The following VAV2 variants were observed in gnomAD, a reference collection of about 807,000 sequenced individuals.
VAV2 encodes the protein vav guanine nucleotide exchange factor 2.
A neutral mutation model predicts 132.5 loss-of-function variants in VAV2; 67 were observed. That is an observed-to-expected ratio of 0.51 (90% CI 0.42 to 0.62). VAV2 has a LOEUF of 0.62. VAV2 is among the 20% of genes least tolerant of loss of function. The probability of loss-of-function intolerance (pLI) is 0.00; values close to 1 mark genes in which losing one functional copy is unlikely to be tolerated. For synonymous variants in VAV2, 492 were observed against 443.5 expected (o/e 1.11, Z -1.37); for missense variants, 938 against 1,153.6 (o/e 0.81, Z 2.71).
intron 1 of VAV2, among the ~76,000 whole-genome samples, chr9:133,959,460 C>G (rs1841896751): frequency 6.6e-6 from 1 of 152,168 alleles, no homozygotes; most frequent in Non-Finnish European, 1.5e-5. Context: ...TTTCACACCC[C>G]ATTCTGCTGC....
intron 2 of VAV2, among the ~76,000 whole-genome samples, chr9:133,923,925 G>A (rs10993867): frequency 0.019 from 2,854 of 152,160 alleles, 79 homozygotes; most frequent in South Asian, 0.057. Context: ...CTCACTCATA[G>A]GTGGGAATTG....
At position 133,918,370 on chromosome 9, in the gene VAV2, G is replaced by A. The variant is rs1051675714; in HGVS notation, c.321+20733C>T. Among the ~76,000 whole-genome samples the A allele has an allele frequency of 5.3e-5, 8 of 151,982 alleles. No homozygotes were observed. The highest frequency in any genetic ancestry group is 1.2e-4 in the African/African-American group (5 of 41,362). On this transcript the variant is annotated intron_variant, in intron 2 of 29. Transcript: ENST00000371850. This position sits in a 1 kb window ranked among gnomAD's most constrained non-coding sequence, Gnocchi z 4.7. ...TTCCCGCACTTTCATCTGCTGGTCCGGACCCAGGCCCAGCTGCTAGCCCGG... is the reference window on the plus strand; with the variant it reads ...TTCCCGCACTTTCATCTGCTGGTCCAGACCCAGGCCCAGCTGCTAGCCCGG...
Position 133,987,295 on chromosome 9 carries a change from G to T in VAV2, c.204+4780C>A, listed in dbSNP as rs193281825. 3.5e-5 allele frequency among the ~76,000 whole-genome samples: 5 copies of T among 142,884 alleles called. No individual in the cohort carries two copies. The East Asian group carries it at 9.7e-4, about 28-fold the overall frequency. The allele number at this position is 142,884 out of a possible 152,430, so 93.7% of individuals were successfully genotyped here. ...GAGTTTCATTACACGAGGCCAGAGA[G>T]AAACCTGGAACAGTGGAGGAGTGAG... On this transcript the variant is annotated intron_variant, in intron 1 of 29. Coordinates refer to ENST00000371850, the MANE Select transcript of VAV2 (RefSeq NM_001134398.2).
intron 4 of VAV2, among the ~76,000 whole-genome samples, chr9:133,819,161 G>A (rs1289244285): frequency 1.3e-5 from 2 of 150,458 alleles, no homozygotes; most frequent in Admixed American, 6.6e-5. Flanking sequence ...GGGGCACCGA[G>A]GTTAAAAGTG....
chr9:133,900,763 CTTGATTTATTTATTTA>C (rs1231170167), intron 2 of VAV2, among the ~76,000 whole-genome samples: 16 of 136,716 alleles, frequency 1.2e-4, no homozygotes, highest in Non-Finnish European at 2.3e-4. Flanking sequence ...TACCTCCTGT[CTTGATTTATTTATTTA>C]TTTATTTATT....
intron 1 of VAV2, among the ~76,000 whole-genome samples, chr9:133,962,739 G>A (rs563806203): frequency 9.8e-5 from 15 of 152,294 alleles, no homozygotes; most frequent in Non-Finnish European, 1.5e-4. Context: ...GAGCTCTACC[G>A]AGTGCATTAA....
At chr9:133,896,951 C>A (rs573124250) in intron 2 of VAV2, among the ~76,000 whole-genome samples, 3 of 151,766 alleles carry the variant, frequency 2.0e-5, no homozygotes, top group African/African-American at 7.3e-5. Context: ...AAAATTAGCC[C>A]GGCGTGGTGG....
At chr9:133,963,642 T>G (rs779995262) in intron 1 of VAV2, among the ~76,000 whole-genome samples, 3 of 152,170 alleles carry the variant, frequency 2.0e-5, no homozygotes, top group Non-Finnish European at 4.4e-5. Flanking sequence ...AGAAAGCCAT[T>G]GAAACAAGAA....
At chr9:133,855,147 T>C (rs2131849823) in intron 3 of VAV2, among the ~76,000 whole-genome samples, 1 of 152,282 alleles carries the variant, frequency 6.6e-6, no homozygotes, top group East Asian at 1.9e-4. Context: ...AGCAATGTCT[T>C]CAAACACAGC....
chr9:133,847,064 G>C (rs72762852), intron 3 of VAV2, among the ~76,000 whole-genome samples: 1 of 152,324 alleles, frequency 6.6e-6, no homozygotes, highest in Non-Finnish European at 1.5e-5. Context: ...CAGCTGTCCA[G>C]GCCCCCAACT....
At chr9:133,957,840 G>A (rs1427956335) in intron 1 of VAV2, among the ~76,000 whole-genome samples, 1 of 128,632 alleles carries the variant, frequency 7.8e-6, no homozygotes, top group Non-Finnish European at 1.8e-5. Flanking sequence ...AAGTAGACAT[G>A]GAAGACTCCA....
In VAV2 at chr9:133,792,258, C is replaced by A. The variant is rs1178253738; in HGVS notation, c.1102-389G>T. Reference sequence around the variant, plus strand: ...GTGTGTGACTGTGTGTATAAGCGGGCTGTACTGGGTGGGGTGTGTGGTATG... The same window carrying A: ...GTGTGTGACTGTGTGTATAAGCGGGATGTACTGGGTGGGGTGTGTGGTATG... On this transcript the variant is annotated intron_variant, in intron 12 of 29. Coordinates refer to ENST00000371850, the MANE Select transcript of VAV2 (RefSeq NM_001134398.2). Among the ~76,000 whole-genome samples the A allele has an allele frequency of 2.5e-5, 3 of 120,302 alleles. No homozygotes were observed. In the South Asian group the frequency reaches 8.5e-4, roughly 34 times the overall value. The allele number at this position is 120,302 out of a possible 152,430, so 78.9% of individuals were successfully genotyped here. A position where few individuals can be genotyped will look rare whatever the true frequency, so the allele number is the denominator to read the frequency against.
chr9:133,786,876 G>C (rs1338712666), intron 16 of VAV2, among the ~76,000 whole-genome samples: 1 of 152,176 alleles, frequency 6.6e-6, no homozygotes, highest in Non-Finnish European at 1.5e-5. Flanking sequence ...CGTGGAGCGG[G>C]GATGGGAGGA....
chr9:133,815,102 CAG>C (rs1204102135), intron 4 of VAV2, among the ~76,000 whole-genome samples: 5 of 152,098 alleles, frequency 3.3e-5, no homozygotes, highest in African/African-American at 9.7e-5. Flanking sequence ...CTGGGATGGT[CAG>C]AGTCTTCCTG....
chr9:133,942,514 G>A (rs1303018898), intron 1 of VAV2, among the ~76,000 whole-genome samples: 1 of 152,284 alleles, frequency 6.6e-6, no homozygotes, highest in African/African-American at 2.4e-5. Flanking sequence ...ACGCCCTCTC[G>A]CTCATCTGCG....
Position 133,779,792 on chromosome 9 carries a change from C to T in VAV2, c.1762+126G>A, listed in dbSNP as rs994211942. 6.9e-6 allele frequency: 9 copies of T among 1,308,994 alleles called. No individual in the cohort carries two copies. The African/African-American group carries it at 1.3e-4, about 20-fold the overall frequency. The allele number at this position is 1,308,994 out of a possible 1,614,324, so 81.1% of individuals were successfully genotyped here. ...AAGAGGGAGGGGGCCCAGATGGCAGCATCCAGGAGCCTGGAGCGTCTGGTG... is the reference window on the plus strand; with the variant it reads ...AAGAGGGAGGGGGCCCAGATGGCAGTATCCAGGAGCCTGGAGCGTCTGGTG... On this transcript the variant is annotated intron_variant, in intron 21 of 29. Transcript: ENST00000371850.
intron 1 of VAV2, among the ~76,000 whole-genome samples, chr9:133,984,277 C>G (rs1452342693): frequency 6.8e-6 from 1 of 147,366 alleles, no homozygotes; most frequent in Admixed American, 6.7e-5. Context: ...CCTAGTCTGT[C>G]TCTGTGTTTT....
In VAV2 at chr9:133,802,459, G is replaced by A. The variant is rs1271593822; in HGVS notation, c.836+3622C>T. ...CTCCCCTGGAGAAAGTTGTTCAGGC[G>A]CAAATGATTTCTGTCCTGATAGAGG... On this transcript the variant is annotated intron_variant, in intron 9 of 29. Coordinates refer to ENST00000371850, the MANE Select transcript of VAV2 (RefSeq NM_001134398.2). The surrounding 1 kb of genome is among the most constrained non-coding windows in gnomAD (Gnocchi z 5.8). Among the ~76,000 whole-genome samples, 3 of 150,242 alleles carry A rather than the reference G, an allele frequency of 2.0e-5. No individual in the cohort carries two copies. Among genetic ancestry groups the A allele is most frequent in the Non-Finnish European group, 3.0e-5 (2 of 67,660 alleles).
intron 3 of VAV2, among the ~76,000 whole-genome samples, chr9:133,859,644 C>CAAAACAAAAA (rs1564412429): frequency 6.9e-6 from 1 of 145,138 alleles, no homozygotes; most frequent in African/African-American, 2.5e-5. Flanking sequence ...CAAAACAAAA[C>CAAAACAAAAA]AAAAAAAAAA....
Sources: allele counts gnomAD v4.1 joint callset (sites outside exome capture counted in the v4.1 genomes callset), GRCh38; gene constraint gnomAD v4.1.1; non-coding constraint Gnocchi (gnomAD v3.1); transcripts MANE v1.5; gene names NCBI Gene and HGNC (gene_info 2026-07-23, HGNC 2026-07-21).